The following CDH18 variants were observed in gnomAD, a reference collection of about 807,000 sequenced individuals.
The protein encoded by CDH18 is cadherin-18.
In CDH18, 31 loss-of-function variants were observed where a neutral mutation model predicts 67.9. The ratio of observed to expected loss-of-function variants is 0.46; its 90% CI spans 0.34 to 0.62. The LOEUF (loss-of-function observed/expected upper bound fraction) is 0.62. Among genes scored for constraint, CDH18 ranks in the 20% least tolerant of loss-of-function variants. The probability of loss-of-function intolerance (pLI) is 0.01; values close to 1 mark genes in which losing one functional copy is unlikely to be tolerated. For missense variants in CDH18, 890 were observed against 975.5 expected, an observed-to-expected ratio of 0.91 and a Z score of 1.17; for synonymous variants, 362 against 347.2, an observed-to-expected ratio of 1.04 and a Z score of -0.48.
At chr5:20,557,680 A>C (rs1463563513) in intron 1 of CDH18, among the ~76,000 whole-genome samples, 1 of 152,100 alleles carries the variant, frequency 6.6e-6, no homozygotes, top group Non-Finnish European at 1.5e-5. Flanking sequence ...TTGAAGGTTC[A>C]CATAAAGATG....
intron 1 of CDH18, among the ~76,000 whole-genome samples, chr5:20,395,041 A>G (rs1745173737): frequency 6.6e-6 from 1 of 152,222 alleles, no homozygotes; most frequent in Non-Finnish European, 1.5e-5. Flanking sequence ...GAGATTTCTC[A>G]AAGAACTAAA....
intron 1 of CDH18, among the ~76,000 whole-genome samples, chr5:20,285,794 T>C (rs935514406): frequency 2.8e-4 from 42 of 151,810 alleles, no homozygotes; most frequent in Middle Eastern, 3.4e-3. Flanking sequence ...CAATATCACT[T>C]CTCTCAATAA....
chr5:19,776,172 A>T (rs76891377), intron 3 of CDH18, among the ~76,000 whole-genome samples: 57 of 152,340 alleles, frequency 3.7e-4, no homozygotes, highest in Admixed American at 1.3e-3. Flanking sequence ...TGAATGGATT[A>T]AACAGCAGAT....
intron 8 of CDH18, among the ~76,000 whole-genome samples, chr5:19,549,549 T>C (rs1034820516): frequency 6.7e-6 from 1 of 148,294 alleles, no homozygotes; most frequent in Non-Finnish European, 1.5e-5. Context: ...AGAAAAAGAA[T>C]GAAAGATATA....
intron 1 of CDH18, among the ~76,000 whole-genome samples, chr5:20,286,748 T>G (rs1309405578): frequency 1.3e-5 from 2 of 151,692 alleles, no homozygotes; most frequent in Non-Finnish European, 3.0e-5. Flanking sequence ...TTTCTTTATT[T>G]CCTGCCTTCA....
intron 9 of CDH18, among the ~76,000 whole-genome samples, chr5:19,531,071 G>A (rs556013061): frequency 6.6e-6 from 1 of 152,260 alleles, no homozygotes; most frequent in South Asian, 2.1e-4. Flanking sequence ...GTAGACCGGA[G>A]CTGTTCCTAT....
At chr5:20,562,079 T>C (rs1248563858) in intron 1 of CDH18, among the ~76,000 whole-genome samples, 1 of 151,838 alleles carries the variant, frequency 6.6e-6, no homozygotes, top group East Asian at 1.9e-4. Context: ...AGTTTAATTA[T>C]AAAATTCATA....
chr5:20,473,854 A>G (rs1389103339), intron 1 of CDH18, among the ~76,000 whole-genome samples: 1 of 152,128 alleles, frequency 6.6e-6, no homozygotes, highest in African/African-American at 2.4e-5. Flanking sequence ...TAGAGAAGAC[A>G]TTGTCCATGA....
intron 2 of CDH18, among the ~76,000 whole-genome samples, chr5:19,863,848 C>G (rs929968004): frequency 6.6e-6 from 1 of 152,118 alleles, no homozygotes; most frequent in Middle Eastern, 3.2e-3. Context: ...AATCCCAGTG[C>G]GGGCTCCATT....
At chr5:20,234,717 A>T (rs1742341769) in intron 2 of CDH18, among the ~76,000 whole-genome samples, 1 of 152,136 alleles carries the variant, frequency 6.6e-6, no homozygotes, top group African/African-American at 2.4e-5. Context: ...ACACACACAA[A>T]AACAGAATTA....
chr5:20,429,160 G>A (rs1748549910), intron 1 of CDH18, among the ~76,000 whole-genome samples: 1 of 151,736 alleles, frequency 6.6e-6, no homozygotes, highest in South Asian at 2.1e-4. Context: ...GCTCATCCCA[G>A]TTTCCATTCA....
intron 3 of CDH18, among the ~76,000 whole-genome samples, chr5:19,751,549 A>G (rs1287888984): frequency 6.6e-6 from 1 of 152,222 alleles, no homozygotes; most frequent in Non-Finnish European, 1.5e-5. Context: ...AATACATGTC[A>G]CTGAGGAGTA....
intron 2 of CDH18, among the ~76,000 whole-genome samples, chr5:20,160,277 T>C (rs192446901): frequency 6.6e-6 from 1 of 152,354 alleles, no homozygotes; most frequent in Non-Finnish European, 1.5e-5. Context: ...GCCAATGATA[T>C]AGCATTATAT....
At chr5:19,484,446 G>T (rs879467866) in intron 11 of CDH18, among the ~76,000 whole-genome samples, 4 of 152,094 alleles carry the variant, frequency 2.6e-5, no homozygotes, top group Non-Finnish European at 5.9e-5. Flanking sequence ...TCCGCAGTGC[G>T]CATAATATAT....
At chr5:19,994,829 A>AATATATAT (rs1554078421) in intron 2 of CDH18, among the ~76,000 whole-genome samples, 2 of 21,016 alleles carry the variant, frequency 9.5e-5, no homozygotes, top group African/African-American at 2.2e-4. Flanking sequence ...ATATAAAGAG[A>AATATATAT]ATATATATAT....
At chr5:19,983,863 A>G (rs1388542454) in intron 1 of CDH18, among the ~76,000 whole-genome samples, 3 of 152,200 alleles carry the variant, frequency 2.0e-5, no homozygotes, top group Non-Finnish European at 2.9e-5. Context: ...AGATTGTAAT[A>G]AGGGATTATT....
intron 2 of CDH18, among the ~76,000 whole-genome samples, chr5:20,012,036 T>C (rs986448914): frequency 6.6e-6 from 1 of 152,074 alleles, no homozygotes; most frequent in Admixed American, 6.6e-5. Context: ...TTTGTACATC[T>C]GGTGGAATTC....
chr5:20,005,895 G>A (rs996750145), intron 2 of CDH18, among the ~76,000 whole-genome samples: 2 of 151,946 alleles, frequency 1.3e-5, no homozygotes, highest in African/African-American at 2.4e-5. Context: ...AGACGTGTTT[G>A]GAGAACGACC....
intron 2 of CDH18, among the ~76,000 whole-genome samples, chr5:20,237,614 A>C (rs1282856016): frequency 6.6e-6 from 1 of 151,906 alleles, no homozygotes; most frequent in African/African-American, 2.4e-5. Flanking sequence ...AATATATAAA[A>C]TATCTGTACT....
Sources: allele counts gnomAD v4.1 joint callset (sites outside exome capture counted in the v4.1 genomes callset), GRCh38; gene constraint gnomAD v4.1.1; transcripts MANE v1.5; gene names NCBI Gene and HGNC (gene_info 2026-07-23, HGNC 2026-07-21).